The following FARS2 variants were observed in gnomAD, a reference collection of about 807,000 sequenced individuals.
FARS2 encodes the protein phenylalanyl-tRNA synthetase 2, mitochondrial, also known as phenylalanine--tRNA ligase, mitochondrial.
FARS2 carries 40 observed loss-of-function variants against 46.4 expected under a neutral mutation model. The observed-to-expected ratio is 0.86, with a 90% CI of 0.67 to 1.12. FARS2 has a LOEUF of 1.12. FARS2 is among the 50% of genes most tolerant of loss of function. The probability of loss-of-function intolerance (pLI) is 0.00; values close to 1 mark genes in which losing one functional copy is unlikely to be tolerated. For synonymous variants in FARS2, 234 were observed against 214.9 expected (o/e 1.09, Z -0.78); for missense variants, 513 against 567.9 (o/e 0.90, Z 0.98).
intron 6 of FARS2, among the ~76,000 whole-genome samples, chr6:5,738,347 T>C (rs775778951): frequency 2.6e-5 from 4 of 152,234 alleles, no homozygotes; most frequent in Non-Finnish European, 4.4e-5. Flanking sequence ...AGAGATTGAA[T>C]ATGTTGCTGT....
intron 6 of FARS2, among the ~76,000 whole-genome samples, chr6:5,628,506 C>G (rs1010092634): frequency 1.3e-5 from 2 of 152,220 alleles, no homozygotes; most frequent in African/African-American, 2.4e-5. Flanking sequence ...TGGGACTCCA[C>G]GCTTTGGCCC....
intron 4 of FARS2, among the ~76,000 whole-genome samples, chr6:5,513,360 T>C (rs1582318701): frequency 6.6e-6 from 1 of 152,210 alleles, no homozygotes; most frequent in African/African-American, 2.4e-5. Flanking sequence ...ACTCAGTCAA[T>C]GTTTTTGAGT....
intron 6 of FARS2, among the ~76,000 whole-genome samples, chr6:5,685,379 A>G (rs1315343356): frequency 6.6e-6 from 1 of 152,162 alleles, no homozygotes; most frequent in East Asian, 1.9e-4. Flanking sequence ...CTGGCTTCAG[A>G]ACTGCCCTGT....
In FARS2 at chr6:5,399,159, TATTATTATTATTATTATC is replaced by T. The variant is rs1380290074; in HGVS notation, c.613-5380_613-5363del. ...TTATTATTATTATTATTATTATTAT[TATTATTATTATTATTATC>T]ATCATCATCATCATCGAGACGGAGT... On this transcript the variant is annotated intron_variant, in intron 2 of 6. Coordinates refer to ENST00000274680, the MANE Select transcript of FARS2 (RefSeq NM_006567.5). 2.8e-3 allele frequency among the ~76,000 whole-genome samples: 381 copies of T among 134,870 alleles called. 4 individuals carry two copies. The highest frequency in any genetic ancestry group is 8.4e-3 in the African/African-American group (315 of 37,590). 88.5% of individuals were successfully genotyped at this position (134,870 alleles called of 152,430 possible). A position where few individuals can be genotyped will look rare whatever the true frequency, so the allele number is the denominator to read the frequency against.
intron 6 of FARS2, among the ~76,000 whole-genome samples, chr6:5,741,089 G>T (rs781306146): frequency 6.6e-6 from 1 of 152,156 alleles, no homozygotes; most frequent in Non-Finnish European, 1.5e-5. Flanking sequence ...ACCAACCTCC[G>T]CATCCCGAGA....
At position 5,683,084 on chromosome 6, in the gene FARS2, A is replaced by T. The variant is rs75578363; in HGVS notation, c.1217+69764A>T. On this transcript the variant is annotated intron_variant, in intron 6 of 6. Coordinates refer to ENST00000274680, the MANE Select transcript of FARS2 (RefSeq NM_006567.5). ...GGCCTCAGCCTGGGGTCTAAGTGAG[A>T]TGGAGGGTTTTAAGGGGTGGGACAG... Among the ~76,000 whole-genome samples the T allele has an allele frequency of 7.3e-3, 1,105 of 152,246 alleles. 6 individuals carry two copies. The highest frequency in any genetic ancestry group is 8.2e-3 in the Non-Finnish European group (558 of 68,004).
intron 6 of FARS2, among the ~76,000 whole-genome samples, chr6:5,692,774 T>C (rs760675): frequency 0.41 from 62,002 of 152,092 alleles, 13,276 homozygotes; most frequent in East Asian, 0.69. Flanking sequence ...ACATGTGGGA[T>C]ATGATGTGTG....
intron 6 of FARS2, among the ~76,000 whole-genome samples, chr6:5,717,929 T>TAGAGAGAGAGAGAG (rs372348270): frequency 2.0e-4 from 21 of 105,018 alleles, no homozygotes; most frequent in African/African-American, 8.4e-4. Context: ...TATATATATA[T>TAGAGAGAGAGAGAG]ATATATACAG....
intron 6 of FARS2, among the ~76,000 whole-genome samples, chr6:5,763,008 G>A (rs987613065): frequency 2.6e-5 from 4 of 152,156 alleles, no homozygotes; most frequent in Admixed American, 1.3e-4. Context: ...TGGTATTTGC[G>A]AAATAACAAA....
chr6:5,696,466 T>G (rs1758110766), intron 6 of FARS2, among the ~76,000 whole-genome samples: 1 of 152,170 alleles, frequency 6.6e-6, no homozygotes, highest in Non-Finnish European at 1.5e-5. Flanking sequence ...ATCTCATGTG[T>G]AGCCAGTAGA....
intron 4 of FARS2, among the ~76,000 whole-genome samples, chr6:5,532,774 T>TAAGAAGAAG (rs1391729088): frequency 1.4e-5 from 2 of 141,392 alleles, no homozygotes; most frequent in African/African-American, 6.0e-5. Context: ...GTAATAATAA[T>TAAGAAGAAG]AATAATAATA....
chr6:5,636,462 T>C (rs73360288), intron 6 of FARS2, among the ~76,000 whole-genome samples: 4,289 of 152,304 alleles, frequency 0.028, 228 homozygotes, highest in African/African-American at 0.096. Context: ...TCTCTGCTGA[T>C]TGGACCCGGA....
At chr6:5,299,853 C>T (rs1221982794) in intron 1 of FARS2, among the ~76,000 whole-genome samples, 2 of 151,984 alleles carry the variant, frequency 1.3e-5, no homozygotes, top group Non-Finnish European at 2.9e-5. Flanking sequence ...TGAACTCATC[C>T]TTTTTGCTAG....
chr6:5,608,049 G>A (rs373230210), intron 5 of FARS2, among the ~76,000 whole-genome samples: 59 of 147,074 alleles, frequency 4.0e-4, no homozygotes, highest in African/African-American at 1.5e-3. Context: ...TCTTTTTATC[G>A]TGAACTTCAA....
chr6:5,594,461 G>A (rs1265224474), intron 5 of FARS2, among the ~76,000 whole-genome samples: 3 of 152,154 alleles, frequency 2.0e-5, no homozygotes, highest in Non-Finnish European at 2.9e-5. Context: ...CAGTGAGGTC[G>A]AGGCAGGAGA....
At chr6:5,379,015 G>C (rs986603981) in intron 2 of FARS2, among the ~76,000 whole-genome samples, 1 of 152,174 alleles carries the variant, frequency 6.6e-6, no homozygotes, top group African/African-American at 2.4e-5. Context: ...GAAACTATTA[G>C]GCTCTTAGTC....
At chr6:5,537,903 C>T (rs560423389) in intron 4 of FARS2, among the ~76,000 whole-genome samples, 1 of 152,104 alleles carries the variant, frequency 6.6e-6, no homozygotes, top group Admixed American at 6.5e-5. Context: ...TTTCCCTTCT[C>T]TGGATTCTTC....
intron 6 of FARS2, among the ~76,000 whole-genome samples, chr6:5,719,561 C>T (rs1759755014): frequency 1.3e-5 from 2 of 152,072 alleles, no homozygotes; most frequent in East Asian, 1.9e-4. Flanking sequence ...TCAGAAATCT[C>T]AGGTAAGGCA....
At chr6:5,687,282 G>A (rs1290120144) in intron 6 of FARS2, among the ~76,000 whole-genome samples, 4 of 152,194 alleles carry the variant, frequency 2.6e-5, no homozygotes, top group African/African-American at 7.2e-5. Flanking sequence ...CCATGCCTAT[G>A]CCCTGAATGG....
Sources: gnomAD v4.1 joint callset for allele counts (sites outside exome capture counted in the v4.1 genomes callset) on GRCh38, gnomAD v4.1.1 for gene constraint, MANE v1.5 for transcripts, NCBI Gene and HGNC (gene_info 2026-07-23, HGNC 2026-07-21) for gene names.